MYO16: variants seen among roughly 807,000 people sequenced by gnomAD.
The protein encoded by MYO16 is myosin XVI.
In MYO16, 94 loss-of-function variants were observed where a neutral mutation model predicts 205.3. That is an observed-to-expected ratio of 0.46 (90% CI 0.39 to 0.54). MYO16 has a LOEUF of 0.54. MYO16 is among the 20% of genes least tolerant of loss of function. The probability of loss-of-function intolerance (pLI) is 0.00; values close to 1 mark genes in which losing one functional copy is unlikely to be tolerated. For synonymous variants in MYO16, 988 were observed against 954.0 expected (o/e 1.04, Z -0.66); for missense variants, 2,315 against 2,387.5 (o/e 0.97, Z 0.63).
At chr13:108,544,489 G>T in the MYO16 span, among the ~76,000 whole-genome samples, 12 of 152,182 alleles carry the variant, frequency 7.9e-5, no homozygotes, top group Middle Eastern at 3.4e-3. Flanking sequence ...TGGAAGTGGG[G>T]TATTCATCCC....
In MYO16 at chr13:108,772,484, C is replaced by T. The variant is rs139492929; in HGVS notation, c.508-13151C>T. The stretch of plus-strand genomic sequence containing the variant: ...ACATTCTCACAAGCATTTGGTGCAT[C>T]AGTGTTCTACGTTTTGGCCATGTTA... On this transcript the variant is annotated intron_variant, in intron 4 of 34. Coordinates refer to ENST00000457511, the MANE Select transcript of MYO16 (RefSeq NM_001198950.3). Among the ~76,000 whole-genome samples, 5 of 152,174 alleles carry T rather than the reference C, an allele frequency of 3.3e-5. No individual in the cohort carries two copies. In the East Asian group the frequency reaches 9.7e-4, roughly 29 times the overall value.
chr13:108,663,890 C>T (rs7994034), intron 1 of MYO16, among the ~76,000 whole-genome samples: 2,098 of 152,242 alleles, frequency 0.014, 41 homozygotes, highest in African/African-American at 0.045. Context: ...AGAAAAGTCA[C>T]AGAAGTCAAA....
At chr13:109,048,248 T>A (rs1407393456) in intron 24 of MYO16, 2 of 643,750 alleles carry the variant, frequency 3.1e-6, no homozygotes, top group Admixed American at 2.6e-5. Flanking sequence ...CTTAATAGAG[T>A]CCCTGTATTT....
At chr13:108,930,670 C>A (rs1028497676) in intron 16 of MYO16, among the ~76,000 whole-genome samples, 3 of 151,988 alleles carry the variant, frequency 2.0e-5, no homozygotes, top group Admixed American at 6.6e-5. Flanking sequence ...GTGAAGTAAA[C>A]CCTGTATCTT....
At chr13:108,860,481 G>A (rs918198806) in intron 11 of MYO16, among the ~76,000 whole-genome samples, 3 of 152,192 alleles carry the variant, frequency 2.0e-5, no homozygotes, top group African/African-American at 4.8e-5. Flanking sequence ...TCGTGTGCAT[G>A]TATGTTTATG....
chr13:108,549,630 C>G, the MYO16 span, among the ~76,000 whole-genome samples: 3 of 151,840 alleles, frequency 2.0e-5, no homozygotes, highest in Non-Finnish European at 2.9e-5. Context: ...ATGTTAAATG[C>G]ATGTGTGAAA....
intron 21 of MYO16, among the ~76,000 whole-genome samples, chr13:108,995,814 C>G (rs1884983803): frequency 6.6e-6 from 1 of 152,086 alleles, no homozygotes; most frequent in Admixed American, 6.6e-5. Flanking sequence ...GTATATGTAC[C>G]ACATTTTCTT....
At chr13:109,013,776 G>A (rs1885703324) in intron 22 of MYO16, among the ~76,000 whole-genome samples, 1 of 152,190 alleles carries the variant, frequency 6.6e-6, no homozygotes, top group African/African-American at 2.4e-5. Context: ...TTTGAAAAGT[G>A]TCTGTTCATA....
intron 21 of MYO16, among the ~76,000 whole-genome samples, chr13:108,994,911 T>A (rs1195328561): frequency 2.0e-5 from 3 of 152,074 alleles, no homozygotes; most frequent in Non-Finnish European, 4.4e-5. Flanking sequence ...TTGTTTAGAG[T>A]AGGGACACAT....
At chr13:109,023,139 A>T (rs1367225060) in intron 23 of MYO16, among the ~76,000 whole-genome samples, 1 of 130,912 alleles carries the variant, frequency 7.6e-6, no homozygotes, top group Non-Finnish European at 1.5e-5. Flanking sequence ...AAATTTATGT[A>T]TATGTTTATG....
At chr13:109,059,282 C>T (rs959327193) in intron 27 of MYO16, among the ~76,000 whole-genome samples, 1 of 152,174 alleles carries the variant, frequency 6.6e-6, no homozygotes, top group Non-Finnish European at 1.5e-5. Flanking sequence ...TCAGAAAAAT[C>T]ACTACCTGTG....
intron 27 of MYO16, among the ~76,000 whole-genome samples, chr13:109,093,552 T>G (rs1027181740): frequency 1.3e-5 from 2 of 152,136 alleles, no homozygotes; most frequent in African/African-American, 4.8e-5. Flanking sequence ...TCCTGTTAAA[T>G]AGCATTAGTC....
intron 15 of MYO16, among the ~76,000 whole-genome samples, chr13:108,908,987 A>AAAATAAATAAAT (rs1331629581): frequency 1.3e-5 from 2 of 148,910 alleles, no homozygotes; most frequent in Admixed American, 6.8e-5. Flanking sequence ...AAAATAAAAT[A>AAAATAAATAAAT]AAATAAATAA....
At chr13:109,158,896 T>C (rs780505161) in intron 32 of MYO16, among the ~76,000 whole-genome samples, 1 of 152,172 alleles carries the variant, frequency 6.6e-6, no homozygotes. Context: ...CTGGGGAAGA[T>C]AGGGGTGCAT....
intron 27 of MYO16, among the ~76,000 whole-genome samples, chr13:109,100,556 A>G (rs1224938438): frequency 6.6e-6 from 1 of 152,232 alleles, no homozygotes; most frequent in African/African-American, 2.4e-5. Flanking sequence ...CATATATTAG[A>G]GGACTGAAAA....
intron 16 of MYO16, among the ~76,000 whole-genome samples, chr13:108,955,680 G>A (rs1334611409): frequency 3.9e-5 from 6 of 152,070 alleles, no homozygotes; most frequent in Admixed American, 6.5e-5. Flanking sequence ...GTGAAAACTC[G>A]TCTCTACTAA....
At chr13:109,037,384 A>G (rs1886750639) in intron 23 of MYO16, among the ~76,000 whole-genome samples, 1 of 152,086 alleles carries the variant, frequency 6.6e-6, no homozygotes, top group African/African-American at 2.4e-5. Flanking sequence ...TTCCTTCATA[A>G]GTTGTCAATC....
intron 32 of MYO16, among the ~76,000 whole-genome samples, chr13:109,163,107 C>A (rs1226837481): frequency 6.6e-6 from 1 of 152,050 alleles, no homozygotes; most frequent in African/African-American, 2.4e-5. Context: ...GATAGTTTTG[C>A]CTTTATTCCA....
At chr13:108,869,199 G>T (rs1000761484) in intron 12 of MYO16, among the ~76,000 whole-genome samples, 3 of 152,030 alleles carry the variant, frequency 2.0e-5, no homozygotes, top group Non-Finnish European at 4.4e-5. Context: ...TATATTTACA[G>T]TTCAATTTAG....
Sources: allele counts gnomAD v4.1 joint callset (sites outside exome capture counted in the v4.1 genomes callset), GRCh38; gene constraint gnomAD v4.1.1; transcripts MANE v1.5; gene names NCBI Gene and HGNC (gene_info 2026-07-23, HGNC 2026-07-21).